TRIB2: variants seen among roughly 807,000 people sequenced by gnomAD.
The protein encoded by TRIB2 is tribbles homolog 2.
TRIB2 carries 2 observed loss-of-function variants against 26.8 expected under a neutral mutation model. That is an observed-to-expected ratio of 0.07 (90% CI 0.03 to 0.24). The LOEUF (loss-of-function observed/expected upper bound fraction) is 0.24, where lower values mean the gene tolerates loss of function less well. Among genes scored for constraint, TRIB2 ranks in the 10% least tolerant of loss-of-function variants. The pLI is 1.00. For synonymous variants in TRIB2, 189 were observed against 187.3 expected (o/e 1.01, Z -0.08); for missense variants, 306 against 449.0 (o/e 0.68, Z 2.88).
At chr2:12,730,094 G>A (rs1292701606) in intron 2 of TRIB2, among the ~76,000 whole-genome samples, 1 of 152,124 alleles carries the variant, frequency 6.6e-6, no homozygotes, top group African/African-American at 2.4e-5. Context: ...ACACTACAGA[G>A]CCCAGTGAGA....
intron 2 of TRIB2, among the ~76,000 whole-genome samples, chr2:12,738,541 G>A (rs1376784172): frequency 1.3e-5 from 2 of 152,134 alleles, no homozygotes; most frequent in Non-Finnish European, 2.9e-5. Flanking sequence ...GATTAACTGA[G>A]CTTTTGAGAC....
intron 2 of TRIB2, among the ~76,000 whole-genome samples, chr2:12,728,236 A>C (rs1661375549): frequency 6.6e-6 from 1 of 151,610 alleles, no homozygotes; most frequent in Non-Finnish European, 1.5e-5. Context: ...CCCAATGCCT[A>C]GCACACAGTC....
rs368121605 is a variant in TRIB2, at chr2:12,735,854, G to A, written c.564-4472G>A. Among the ~76,000 whole-genome samples the A allele has an allele frequency of 5.9e-5, 9 of 152,270 alleles. No individual in the cohort carries two copies. In the East Asian group the frequency reaches 1.2e-3, roughly 20 times the overall value. On this transcript the variant is annotated intron_variant, in intron 2 of 2. Transcript: ENST00000155926. ...CTAAAATTTCAGCCTCTGAAGGAAAGGAGCACGTAGTGTTGGATACATGAG... is the reference window on the plus strand; with the variant it reads ...CTAAAATTTCAGCCTCTGAAGGAAAAGAGCACGTAGTGTTGGATACATGAG...
chr2:12,736,467 C>CG lies in TRIB2; in HGVS notation c.564-3859_564-3858insG, dbSNP rs1409383598. On this transcript the variant is annotated intron_variant, in intron 2 of 2. Coordinates refer to ENST00000155926, the MANE Select transcript of TRIB2 (RefSeq NM_021643.4). The stretch of plus-strand genomic sequence containing the variant: ...CTTTACTGACAGATGCCTGATATCC[C>CG]CACCCCCTTATCACTATGGGAGATT... Among the ~76,000 whole-genome samples the CG allele has an allele frequency of 5.3e-5, 8 of 152,130 alleles. No homozygotes were observed. The East Asian group carries it at 1.4e-3, about 26-fold the overall frequency.
At chr2:12,726,367 A>G (rs1490771798) in intron 2 of TRIB2, among the ~76,000 whole-genome samples, 2 of 152,074 alleles carry the variant, frequency 1.3e-5, no homozygotes, top group African/African-American at 4.8e-5. Context: ...GGCAGCATTG[A>G]GTTTCATGGC....
At chr2:12,733,119 A>C (rs915782492) in intron 2 of TRIB2, among the ~76,000 whole-genome samples, 1 of 152,170 alleles carries the variant, frequency 6.6e-6, no homozygotes, top group Non-Finnish European at 1.5e-5. Context: ...TGGATTGAGC[A>C]CTAAACTTGG....
rs534364079 is a variant in TRIB2 at position 12,723,691 on chromosome 2, G to A, written c.563+139G>A. 31 of 1,002,656 alleles carry A rather than the reference G, an allele frequency of 3.1e-5. 1 individual carries two copies. The African/African-American group carries it at 3.9e-4, about 13-fold the overall frequency. The allele number at this position is 1,002,656 out of a possible 1,614,324, so 62.1% of individuals were successfully genotyped here. A position where few individuals can be genotyped will look rare whatever the true frequency, so the allele number is the denominator to read the frequency against. ...AGGAATCTTAGGAGGGCAAAAGGAA[G>A]TGAATATTGCAATTTTCAAGTGTTT... On this transcript the variant is annotated intron_variant, in intron 2 of 2. Coordinates refer to ENST00000155926, the MANE Select transcript of TRIB2 (RefSeq NM_021643.4).
intron 1 of TRIB2, among the ~76,000 whole-genome samples, chr2:12,719,620 A>G (rs1661149411): frequency 7.1e-6 from 1 of 140,898 alleles, no homozygotes; most frequent in Non-Finnish European, 1.5e-5. Flanking sequence ...TGGGGGACCC[A>G]TTCTGCCTTT....
intron 1 of TRIB2, among the ~76,000 whole-genome samples, chr2:12,720,608 C>T (rs966744689): frequency 6.6e-6 from 1 of 152,172 alleles, no homozygotes; most frequent in Non-Finnish European, 1.5e-5. Flanking sequence ...AATCTAGTTC[C>T]TTTTGATGTC....
At position 12,742,449 on chromosome 2, in the gene TRIB2, C is replaced by A. The variant is rs894378756; in HGVS notation, c.*1655C>A. ...TTCCCAGGAGGGCGGCTTCACCCTT[C>A]GTAACCAGGAGACAAGGCGGCCATG... On this transcript the variant is annotated 3_prime_UTR_variant, in exon 3 of 3. Coordinates refer to ENST00000155926, the MANE Select transcript of TRIB2 (RefSeq NM_021643.4). The A allele has an allele frequency of 6.6e-6, 1 of 152,468 alleles. No homozygotes were observed. The highest frequency in any genetic ancestry group is 2.1e-4 in the South Asian group (1 of 4,826). The allele number at this position is 152,468 out of a possible 1,614,324, so 9.4% of individuals were successfully genotyped here. A position where few individuals can be genotyped will look rare whatever the true frequency, so the allele number is the denominator to read the frequency against.
intron 1 of TRIB2, among the ~76,000 whole-genome samples, chr2:12,721,405 G>A (rs578204593): frequency 4.6e-5 from 7 of 152,330 alleles, no homozygotes; most frequent in African/African-American, 1.7e-4. Flanking sequence ...GGCGACAGAA[G>A]CTGCAACCTG....
At chr2:12,719,470 G>C (rs1470021071) in intron 1 of TRIB2, among the ~76,000 whole-genome samples, 1 of 152,042 alleles carries the variant, frequency 6.6e-6, no homozygotes, top group Non-Finnish European at 1.5e-5. Context: ...GTGGATGAGG[G>C]GCGAAATAGT....
At chr2:12,725,352 A>G (rs978582055) in intron 2 of TRIB2, among the ~76,000 whole-genome samples, 1 of 152,238 alleles carries the variant, frequency 6.6e-6, no homozygotes, top group African/African-American at 2.4e-5. Context: ...CATGGGAACA[A>G]AAGTGGACCC....
intron 2 of TRIB2, among the ~76,000 whole-genome samples, chr2:12,727,018 A>C (rs1004411089): frequency 6.6e-6 from 1 of 152,220 alleles, no homozygotes; most frequent in Non-Finnish European, 1.5e-5. Flanking sequence ...GATGACACCC[A>C]GCGTTATGTT....
chr2:12,724,682 C>T (rs985086784), intron 2 of TRIB2: 2 of 1,612,856 alleles, frequency 1.2e-6, no homozygotes, highest in African/African-American at 1.3e-5. Context: ...CCTTCGATAC[C>T]CTCTGTGATC....
chr2:12,730,419 G>C (rs1362434756), intron 2 of TRIB2, among the ~76,000 whole-genome samples: 1 of 152,120 alleles, frequency 6.6e-6, no homozygotes, highest in African/African-American at 2.4e-5. Context: ...CGTCTCTTAT[G>C]CCCAACCCTG....
intron 1 of TRIB2, among the ~76,000 whole-genome samples, chr2:12,720,184 A>G (rs1157453650): frequency 1.3e-5 from 2 of 152,160 alleles, no homozygotes; most frequent in African/African-American, 4.8e-5. Context: ...ATCAGAGGTG[A>G]CTCTGGCCTC....
intron 2 of TRIB2, among the ~76,000 whole-genome samples, chr2:12,739,080 G>A (rs1164042717): frequency 1.3e-5 from 2 of 152,088 alleles, no homozygotes; most frequent in Non-Finnish European, 2.9e-5. Context: ...TGGGCTCATG[G>A]TTCTGTTCAC....
intron 2 of TRIB2, among the ~76,000 whole-genome samples, chr2:12,727,313 G>C (rs1360269977): frequency 6.6e-6 from 1 of 152,182 alleles, no homozygotes; most frequent in Non-Finnish European, 1.5e-5. Flanking sequence ...AGTCATTGAC[G>C]AAATAGTACC....
Sources: gnomAD v4.1 joint callset for allele counts (sites outside exome capture counted in the v4.1 genomes callset) on GRCh38, gnomAD v4.1.1 for gene constraint, MANE v1.5 for transcripts, NCBI Gene and HGNC (gene_info 2026-07-23, HGNC 2026-07-21) for gene names.